MID1: variants seen among roughly 807,000 people sequenced by gnomAD.
The protein encoded by MID1 is midline 1, also known as E3 ubiquitin-protein ligase Midline-1.
MID1 carries 7 observed loss-of-function variants against 40.4 expected under a neutral mutation model. The observed-to-expected ratio is 0.17, with a 90% CI of 0.10 to 0.33. The LOEUF (loss-of-function observed/expected upper bound fraction) is 0.33, where lower values mean the gene tolerates loss of function less well. Ranked by LOEUF, MID1 falls within the 10% of genes least tolerant of loss-of-function variation. The probability of loss-of-function intolerance (pLI) is 1.00; values close to 1 mark genes in which losing one functional copy is unlikely to be tolerated. For missense variants in MID1, 367 were observed against 558.5 expected, an observed-to-expected ratio of 0.66 and a Z score of 3.46; for synonymous variants, 229 against 221.2, an observed-to-expected ratio of 1.04 and a Z score of -0.31.
chrX:10,570,122 ACAGACT>A (rs1456034172), intron 1 of MID1, among the ~76,000 whole-genome samples: 2 of 111,835 alleles, frequency 1.8e-5, no homozygotes, highest in East Asian at 2.8e-4. Flanking sequence ...CCCAGAAAAC[ACAGACT>A]CAGACAGTGA....
At chrX:10,598,013 G>A (rs1935445894) in intron 1 of MID1, among the ~76,000 whole-genome samples, 1 of 111,498 alleles carries the variant, frequency 9.0e-6, no homozygotes, top group Non-Finnish European at 1.9e-5. Context: ...GAAAGAGCTA[G>A]GGCCTGCTAA....
intron 1 of MID1, among the ~76,000 whole-genome samples, chrX:10,718,670 A>T (rs1337579981): frequency 3.6e-5 from 4 of 111,994 alleles, no homozygotes; most frequent in Non-Finnish European, 7.5e-5. Flanking sequence ...CAATAGAAAA[A>T]GAGGGAATCC....
At chrX:10,713,405 C>A (rs1183382450) in intron 1 of MID1, among the ~76,000 whole-genome samples, 3 of 108,998 alleles carry the variant, frequency 2.8e-5, no homozygotes, top group African/African-American at 1.0e-4. Flanking sequence ...GTCACTGCAG[C>A]CTAGACCTCC....
chrX:10,771,685 T>G (rs1324329267), intron 1 of MID1, among the ~76,000 whole-genome samples: 2 of 102,958 alleles, frequency 1.9e-5, no homozygotes, highest in African/African-American at 7.1e-5. Context: ...TTTTTTGTAT[T>G]TTTAGTAGAG....
chrX:10,546,486 G>A (rs1246649918), intron 2 of MID1, among the ~76,000 whole-genome samples: 1 of 111,502 alleles, frequency 9.0e-6, no homozygotes, highest in African/African-American at 3.3e-5. Context: ...CAATGATACT[G>A]TGAAACAAAC....
intron 1 of MID1, among the ~76,000 whole-genome samples, chrX:10,767,385 G>C (rs61532692): frequency 0.054 from 5,942 of 109,971 alleles, 413 homozygotes; most frequent in African/African-American, 0.19. Context: ...CAGTGGTGTG[G>C]TCTTGGCTCA....
intron 1 of MID1, among the ~76,000 whole-genome samples, chrX:10,747,489 AT>A (rs1173207900): frequency 8.9e-6 from 1 of 112,244 alleles, no homozygotes; most frequent in East Asian, 2.8e-4. Flanking sequence ...ATGATTGGTG[AT>A]TTTTGAAATC....
chrX:10,610,394 C>T (rs1196544552), intron 1 of MID1, among the ~76,000 whole-genome samples: 1 of 111,927 alleles, frequency 8.9e-6, no homozygotes, highest in African/African-American at 3.3e-5. Flanking sequence ...ATATTGGACA[C>T]ACTCCACGTG....
chrX:10,817,424 A>ATC (rs2147156481), intron 1 of MID1, among the ~76,000 whole-genome samples: 1 of 111,550 alleles, frequency 9.0e-6, no homozygotes, highest in Admixed American at 9.5e-5. Flanking sequence ...GACTTCAGCA[A>ATC]TGAAGTAGGA....
At chrX:10,741,778 A>G (rs1290915357) in intron 1 of MID1, among the ~76,000 whole-genome samples, 1 of 111,200 alleles carries the variant, frequency 9.0e-6, no homozygotes, top group Non-Finnish European at 1.9e-5. Context: ...AACTAGTGAT[A>G]TGTAATTTAG....
intron 2 of MID1, chrX:10,565,051 G>A: frequency 2.2e-5 from 5 of 226,486 alleles, no homozygotes; most frequent in South Asian, 1.5e-4. Context: ...AAAATTAATA[G>A]CCTTCGCAAT....
At chrX:10,682,913 GGGT>G (rs1470356887) in intron 1 of MID1, among the ~76,000 whole-genome samples, 1 of 111,560 alleles carries the variant, frequency 9.0e-6, no homozygotes, top group African/African-American at 3.3e-5. Context: ...CACAGGCAAA[GGGT>G]CAAATCTGGG....
upstream of MID1, among the ~76,000 whole-genome samples, chrX:10,621,880 C>A (rs1001627325): frequency 1.9e-5 from 2 of 105,437 alleles, no homozygotes; most frequent in African/African-American, 7.0e-5. Context: ...CAGGATAATT[C>A]TTTGTCGTGA....
intron 1 of MID1, among the ~76,000 whole-genome samples, chrX:10,586,217 G>A (rs1452375497): frequency 8.9e-6 from 1 of 111,902 alleles, no homozygotes; most frequent in Non-Finnish European, 1.9e-5. Context: ...ACTGGGAACA[G>A]CCCTCAGTCT....
chrX:10,453,602 G>A (rs1928477494), intron 9 of MID1, among the ~76,000 whole-genome samples: 1 of 112,120 alleles, frequency 8.9e-6, no homozygotes, highest in South Asian at 3.7e-4. Flanking sequence ...CTGGCCCTCT[G>A]CCTGTTTTTA....
chrX:10,636,784 G>GTATATATATA (rs1198448070), intron 1 of MID1, among the ~76,000 whole-genome samples: 147 of 12,141 alleles, frequency 0.012, 2 homozygotes, highest in African/African-American at 0.048. Context: ...CCAACAATGG[G>GTATATATATA]GATATATATA....
chrX:10,716,308 C>G (rs187708213), intron 1 of MID1, among the ~76,000 whole-genome samples: 1 of 111,360 alleles, frequency 9.0e-6, no homozygotes, highest in Non-Finnish European at 1.9e-5. Flanking sequence ...AAAGATTAGA[C>G]GAATGGCTGA....
At chrX:10,749,438 T>A (rs760988183) in intron 1 of MID1, among the ~76,000 whole-genome samples, 6 of 112,054 alleles carry the variant, frequency 5.4e-5, no homozygotes, top group African/African-American at 1.3e-4. Flanking sequence ...CGAAATTTAG[T>A]ACTCACCTTG....
intron 1 of MID1, among the ~76,000 whole-genome samples, chrX:10,715,208 G>C (rs1429962604): frequency 1.8e-5 from 2 of 112,153 alleles, no homozygotes; most frequent in South Asian, 3.8e-4. Context: ...GCAGGACAGT[G>C]GGTGCAGTGC....
Sources: allele counts gnomAD v4.1 joint callset (sites outside exome capture counted in the v4.1 genomes callset), GRCh38; gene constraint gnomAD v4.1.1; transcripts MANE v1.5; gene names NCBI Gene and HGNC (gene_info 2026-07-23, HGNC 2026-07-21).